Variants in GMDS observed in about 807,000 individuals in gnomAD.
GMDS encodes the protein GDP-mannose 4,6-dehydratase.
GMDS carries 20 observed loss-of-function variants against 49.9 expected under a neutral mutation model. That is an observed-to-expected ratio of 0.40 (90% CI 0.28 to 0.58). The LOEUF is 0.58. Among genes scored for constraint, GMDS ranks in the 20% least tolerant of loss-of-function variants. The pLI is 0.42. For synonymous variants in GMDS, 177 were observed against 178.6 expected (o/e 0.99, Z 0.07); for missense variants, 362 against 481.4 (o/e 0.75, Z 2.32).
chr6:2,172,679 G>A (rs905733390), intron 1 of GMDS, among the ~76,000 whole-genome samples: 1 of 151,818 alleles, frequency 6.6e-6, no homozygotes, highest in Non-Finnish European at 1.5e-5. Context: ...GCGACACAGT[G>A]AGGCTCCATC....
chr6:2,101,690 A>G (rs569530431), intron 4 of GMDS, among the ~76,000 whole-genome samples: 66 of 152,128 alleles, frequency 4.3e-4, no homozygotes, highest in Non-Finnish European at 6.9e-4. Flanking sequence ...AAAAAAGGCA[A>G]TTAAATTTAG....
intron 7 of GMDS, among the ~76,000 whole-genome samples, chr6:1,851,957 T>C (rs1295356250): frequency 3.9e-5 from 6 of 152,146 alleles, no homozygotes; most frequent in Non-Finnish European, 2.9e-5. Context: ...GGTACTAACG[T>C]CTCAGCACCC....
At chr6:2,154,862 GCAA>G (rs1480947488) in intron 1 of GMDS, among the ~76,000 whole-genome samples, 2 of 33,830 alleles carry the variant, frequency 5.9e-5, no homozygotes, top group African/African-American at 1.5e-4. Context: ...TTGAAGAGAT[GCAA>G]AAAAAAAAAA....
rs538864961 is a variant in GMDS at position 2,116,954 on chromosome 6, G to A, written c.235+515C>T. ...ACAGTCTGCTTGTGCTATATAAACTGTACAGCTGCATACAGACAAATTAAT... is the reference window on the plus strand; with the variant it reads ...ACAGTCTGCTTGTGCTATATAAACTATACAGCTGCATACAGACAAATTAAT... On this transcript the variant is annotated intron_variant, in intron 3 of 10. Transcript: ENST00000380815. 2.2e-4 allele frequency among the ~76,000 whole-genome samples: 33 copies of A among 152,260 alleles called. No homozygotes were observed. In the East Asian group the frequency reaches 4.8e-3, roughly 22 times the overall value.
intron 7 of GMDS, among the ~76,000 whole-genome samples, chr6:1,924,690 T>C (rs1333556714): frequency 3.3e-5 from 5 of 152,208 alleles, no homozygotes; most frequent in Admixed American, 3.3e-4. Context: ...GAATGAACAG[T>C]GCCACCCTGA....
chr6:1,624,611 G>T (rs925079022), intron 9 of GMDS, 71 bp from the exon 10 acceptor site: 15 of 1,075,848 alleles, frequency 1.4e-5, no homozygotes, highest in Non-Finnish European at 2.0e-5. Flanking sequence ...CCGAGCCCCG[G>T]GAACTCCCAC....
chr6:1,826,908 G>C (rs1001329312), intron 7 of GMDS, among the ~76,000 whole-genome samples: 2 of 151,856 alleles, frequency 1.3e-5, no homozygotes, highest in African/African-American at 4.8e-5. Flanking sequence ...AAAAAAAAAG[G>C]TTTCTTTAAT....
chr6:2,154,377 A>C (rs1776997004), intron 1 of GMDS, among the ~76,000 whole-genome samples: 1 of 152,146 alleles, frequency 6.6e-6, no homozygotes, highest in Non-Finnish European at 1.5e-5. Context: ...ATTTAAAATA[A>C]ATTTTCTTTT....
intron 4 of GMDS, among the ~76,000 whole-genome samples, chr6:2,090,886 T>TAATGAAGCATTAAGCA (rs1375128446): frequency 2.0e-5 from 3 of 152,214 alleles, no homozygotes; most frequent in African/African-American, 7.2e-5. Flanking sequence ...CATTATGTGA[T>TAATGAAGCATTAAGCA]TTAAGCATAA....
rs563296571 is a variant in GMDS, at chr6:2,127,119, C to T, written c.103-2388G>A. On this transcript the variant is annotated intron_variant, in intron 1 of 10. Transcript: ENST00000380815. ...CCATTATCTAAGTTAGATAATGACA[C>T]TGACCAATTCAGACCATGACAAGCC... Among the ~76,000 whole-genome samples the T allele has an allele frequency of 3.3e-5, 5 of 152,264 alleles. No homozygotes were observed. The East Asian group carries it at 9.6e-4, about 29-fold the overall frequency.
intron 4 of GMDS, among the ~76,000 whole-genome samples, chr6:2,069,100 A>G (rs1351365264): frequency 6.6e-6 from 1 of 152,236 alleles, no homozygotes; most frequent in Non-Finnish European, 1.5e-5. Context: ...CAGAGCCCTC[A>G]GGAATAACGT....
Position 1,635,005 on chromosome 6 carries a change from A to G in GMDS, c.988-10465T>C, listed in dbSNP as rs1297063017. Among the ~76,000 whole-genome samples the G allele has an allele frequency of 6.6e-6, 1 of 152,166 alleles. No individual in the cohort carries two copies. On this transcript the variant is annotated intron_variant, in intron 9 of 10. Coordinates refer to ENST00000380815, the MANE Select transcript of GMDS (RefSeq NM_001500.4). This position sits in a 1 kb window ranked among gnomAD's most constrained non-coding sequence, Gnocchi z 4.7. ...TTCAAAGACATTCTACGAATCAACA[A>G]TGCCAGAAGCGAAGTTCTCCTAGTG...
At chr6:1,908,659 C>T (rs751538259) in intron 7 of GMDS, among the ~76,000 whole-genome samples, 1 of 152,210 alleles carries the variant, frequency 6.6e-6, no homozygotes, top group Non-Finnish European at 1.5e-5. Context: ...GATCCTCAGA[C>T]ACACACATGG....
chr6:2,213,581 A>T (rs1272448468), intron 1 of GMDS, among the ~76,000 whole-genome samples: 9 of 152,212 alleles, frequency 5.9e-5, no homozygotes, highest in Non-Finnish European at 1.5e-5. Context: ...CATACGGAGT[A>T]AAAAAATAAA....
At chr6:1,924,317 C>A (rs1353030532) in intron 7 of GMDS, among the ~76,000 whole-genome samples, 2 of 152,216 alleles carry the variant, frequency 1.3e-5, no homozygotes, top group East Asian at 1.9e-4. Flanking sequence ...TCAACGCTCA[C>A]CCCTAACGAT....
intron 1 of GMDS, among the ~76,000 whole-genome samples, chr6:2,131,744 G>C (rs1775749166): frequency 6.6e-6 from 1 of 151,784 alleles, no homozygotes; most frequent in South Asian, 2.1e-4. Context: ...GAGTCCACCT[G>C]CTCATCACTA....
intron 9 of GMDS, among the ~76,000 whole-genome samples, chr6:1,671,463 A>ACCC (rs1343500446): frequency 6.6e-6 from 1 of 151,928 alleles, no homozygotes; most frequent in African/African-American, 2.4e-5. Flanking sequence ...ACAAAAGGCT[A>ACCC]CTCTACTAAA....
At chr6:2,112,344 A>C (rs1226335622) in intron 4 of GMDS, among the ~76,000 whole-genome samples, 2 of 152,164 alleles carry the variant, frequency 1.3e-5, no homozygotes, top group African/African-American at 4.8e-5. Context: ...AAACTCAAAA[A>C]CCTATATATT....
Position 2,149,891 on chromosome 6 carries a change from C to T in GMDS, c.103-25160G>A, listed in dbSNP as rs186563877. On this transcript the variant is annotated intron_variant, in intron 1 of 10. Coordinates refer to ENST00000380815, the MANE Select transcript of GMDS (RefSeq NM_001500.4). ...AGTCCCAAGGTTTTTTGCTTGGGAG[C>T]TTTCTCTTTCTTTTTTTCATCTTCT... Among the ~76,000 whole-genome samples the T allele has an allele frequency of 5.7e-3, 862 of 152,078 alleles. 2 individuals carry two copies. Among genetic ancestry groups the T allele is most frequent in the Middle Eastern group, 0.017 (5 of 294 alleles).
Sources: gnomAD v4.1 joint callset for allele counts (sites outside exome capture counted in the v4.1 genomes callset) on GRCh38, gnomAD v4.1.1 for gene constraint, Gnocchi (gnomAD v3.1) non-coding constraint, MANE v1.5 for transcripts, NCBI Gene and HGNC (gene_info 2026-07-23, HGNC 2026-07-21) for gene names.